Variants in GSE1 observed in about 807,000 individuals in gnomAD.
The protein encoded by GSE1 is genetic suppressor element 1.
A neutral mutation model predicts 112.6 loss-of-function variants in GSE1; 32 were observed. The ratio of observed to expected loss-of-function variants is 0.28; its 90% CI spans 0.21 to 0.38. GSE1 has a LOEUF of 0.38. Ranked by LOEUF, GSE1 falls within the 10% of genes least tolerant of loss-of-function variation. The pLI, the probability that GSE1 is intolerant of heterozygous loss-of-function variation, is 1.00. For synonymous variants in GSE1, 1,115 were observed against 735.6 expected (o/e 1.52, Z -8.35); for missense variants, 2,348 against 1,699.2 (o/e 1.38, Z -6.71).
intron 2 of GSE1, among the ~76,000 whole-genome samples, chr16:85,421,833 G>A (rs11643982): frequency 6.6e-6 from 1 of 151,920 alleles, no homozygotes; most frequent in Non-Finnish European, 1.5e-5. Flanking sequence ...TGTATTTTTG[G>A]GGGGAATGGC....
intron 2 of GSE1, among the ~76,000 whole-genome samples, chr16:85,377,695 G>A (rs1251858073): frequency 6.6e-6 from 1 of 152,224 alleles, no homozygotes; most frequent in East Asian, 1.9e-4. Context: ...CAGGGGGCCG[G>A]GGCTCCCCTC....
intron 2 of GSE1, among the ~76,000 whole-genome samples, chr16:85,445,184 G>T (rs918338042): frequency 1.3e-5 from 2 of 152,346 alleles, no homozygotes; most frequent in Non-Finnish European, 2.9e-5. Context: ...ACACCTGACT[G>T]CCCTCCCCCA....
chr16:85,293,684 C>T (rs772553982), intron 1 of GSE1, among the ~76,000 whole-genome samples: 2 of 152,184 alleles, frequency 1.3e-5, no homozygotes, highest in Admixed American at 6.5e-5. Flanking sequence ...GGAATCTGTC[C>T]GGGCCTTTCT....
In GSE1 at chr16:85,657,302, G is replaced by A; in HGVS notation, c.1338G>A (p.Gln446=). Reference sequence around the variant, plus strand: ...AGAAGCTGAAGGATGCCGGCCTGCAGGCGCCCAAGCCCGTCCAACACCCCT... The same window carrying A: ...AGAAGCTGAAGGATGCCGGCCTGCAAGCGCCCAAGCCCGTCCAACACCCCT... ...RAEKLKDAGL[Q]APKPVQHPLH... The change falls in exon 8 of 16, where the codon CAG becomes CAA. Residue 446 remains glutamine, a synonymous_variant. Coordinates refer to ENST00000253458, the MANE Select transcript of GSE1 (RefSeq NM_014615.5). The A allele has an allele frequency of 6.4e-7, 1 of 1,568,366 alleles. No homozygotes were observed.
chr16:85,470,422 C>CTGGGA (rs112455647), intron 2 of GSE1, among the ~76,000 whole-genome samples: 22,264 of 152,136 alleles, frequency 0.15, 2,529 homozygotes, highest in African/African-American at 0.32. Context: ...GGACGCAGAG[C>CTGGGA]TGGGATCCGT....
chr16:85,342,019 C>T (rs1408052028), intron 1 of GSE1, among the ~76,000 whole-genome samples: 1 of 152,090 alleles, frequency 6.6e-6, no homozygotes. Flanking sequence ...TGCCTGCCGT[C>T]CCTCCACAGG....
chr16:85,233,778 G>A (rs377574554), intron 1 of GSE1, among the ~76,000 whole-genome samples: 59 of 152,306 alleles, frequency 3.9e-4, no homozygotes, highest in African/African-American at 1.4e-3. Context: ...TTCTCAGCTG[G>A]CACTTTGCTG....
At chr16:85,654,763 T>C (rs1567730650) in intron 4 of GSE1, 31 bp from the exon 5 acceptor site, 1 of 1,470,016 alleles carries the variant, frequency 6.8e-7, no homozygotes, top group Non-Finnish European at 9.5e-7. Flanking sequence ...CACTCACCTG[T>C]CCCCACCTTG....
At chr16:85,222,698 A>C (rs1053230814) in intron 1 of GSE1, among the ~76,000 whole-genome samples, 3 of 152,112 alleles carry the variant, frequency 2.0e-5, no homozygotes, top group African/African-American at 7.2e-5. Context: ...CCAATTAAAA[A>C]CGTGTCTCCG....
chr16:85,403,578 C>T (rs1237998764), intron 2 of GSE1, among the ~76,000 whole-genome samples: 1 of 151,996 alleles, frequency 6.6e-6, no homozygotes, highest in Non-Finnish European at 1.5e-5. Flanking sequence ...TCACTTGAGC[C>T]CAGGAGTTTG....
chr16:85,201,293 A>G (rs1010548488), intron 1 of GSE1, among the ~76,000 whole-genome samples: 3 of 144,540 alleles, frequency 2.1e-5, no homozygotes, highest in African/African-American at 7.7e-5. Context: ...CTGAGTTTGA[A>G]CTCCTAGGCT....
At chr16:85,246,680 C>T (rs1905876750) in intron 1 of GSE1, among the ~76,000 whole-genome samples, 1 of 151,968 alleles carries the variant, frequency 6.6e-6, no homozygotes, top group Non-Finnish European at 1.5e-5. Flanking sequence ...CCACCCCACT[C>T]CCACCCTCGG....
chr16:85,445,506 G>A (rs950066271), intron 2 of GSE1, among the ~76,000 whole-genome samples: 4 of 152,232 alleles, frequency 2.6e-5, no homozygotes, highest in African/African-American at 7.2e-5. Flanking sequence ...TAAGCTTTGC[G>A]TGGCGGGCGG....
chr16:85,483,753 C>G (rs959661896), intron 2 of GSE1, among the ~76,000 whole-genome samples: 1 of 152,272 alleles, frequency 6.6e-6, no homozygotes, highest in Non-Finnish European at 1.5e-5. Flanking sequence ...TAGCAGCAGG[C>G]TCGGTGCTTG....
intron 1 of GSE1, among the ~76,000 whole-genome samples, chr16:85,603,098 G>C (rs185362751): frequency 2.0e-5 from 3 of 152,234 alleles, no homozygotes; most frequent in Non-Finnish European, 4.4e-5. Context: ...TCAGTGTCAC[G>C]ACCTCCAGCT....
chr16:85,584,949 G>A (rs908395739), intron 1 of GSE1, among the ~76,000 whole-genome samples: 1 of 152,012 alleles, frequency 6.6e-6, no homozygotes, highest in African/African-American at 2.4e-5. Flanking sequence ...GTGGGGCCAC[G>A]TGGCCCGGGT....
At chr16:85,338,534 A>G (rs2046554377) in intron 1 of GSE1, among the ~76,000 whole-genome samples, 2 of 152,242 alleles carry the variant, frequency 1.3e-5, no homozygotes, top group Admixed American at 6.5e-5. Flanking sequence ...CAGGCAAGTA[A>G]GATTTGCAAA....
At chr16:85,562,451 T>G (rs965576533) in intron 1 of GSE1, among the ~76,000 whole-genome samples, 6 of 151,910 alleles carry the variant, frequency 3.9e-5, no homozygotes, top group African/African-American at 1.4e-4. Flanking sequence ...ATAGTCCCGC[T>G]GGAAACTCTC....
chr16:85,671,439 CA>C (rs1159665909), intron 15 of GSE1, among the ~76,000 whole-genome samples: 722 of 61,316 alleles, frequency 0.012, 16 homozygotes, highest in Middle Eastern at 0.024. Flanking sequence ...GACTCCGTCT[CA>C]AAAAAAAAAA....
Sources: gnomAD v4.1 joint callset for allele counts (sites outside exome capture counted in the v4.1 genomes callset) on GRCh38, gnomAD v4.1.1 for gene constraint, MANE v1.5 for transcripts, NCBI Gene and HGNC (gene_info 2026-07-23, HGNC 2026-07-21) for gene names.